The following WDR62 variants were observed in gnomAD, a reference collection of about 807,000 sequenced individuals.
The protein encoded by WDR62 is WD repeat domain 62, also known as WD repeat-containing protein 62.
Under a neutral mutation model 160.6 loss-of-function variants are expected in WDR62, and 112 were observed. That is an observed-to-expected ratio of 0.70 (90% CI 0.60 to 0.82). The LOEUF (loss-of-function observed/expected upper bound fraction) is 0.82. WDR62 is among the 40% of genes least tolerant of loss of function. The pLI is 0.00. For synonymous variants in WDR62, 792 were observed against 815.1 expected (o/e 0.97, Z 0.48); for missense variants, 1,819 against 1,983.8 (o/e 0.92, Z 1.58).
the WDR62 span, among the ~76,000 whole-genome samples, chr19:36,110,555 G>A: frequency 6.6e-6 from 1 of 152,166 alleles, no homozygotes; most frequent in South Asian, 2.1e-4. Flanking sequence ...GCAGTAACTA[G>A]GGGCTAGATT....
chr19:36,088,250 G>A (rs531104766), intron 13 of WDR62, among the ~76,000 whole-genome samples: 3 of 152,196 alleles, frequency 2.0e-5, no homozygotes, highest in African/African-American at 4.8e-5. Flanking sequence ...TGAGACGGCC[G>A]GGGGCATCTC....
At position 36,067,959 on chromosome 19, in the gene WDR62, C is replaced by T. The variant is rs549410799; in HGVS notation, c.831C>T (p.Leu277=). 1.7e-4 allele frequency: 276 copies of T among 1,614,186 alleles called. 2 individuals carry two copies. The South Asian group carries it at 2.7e-3, about 16-fold the overall frequency. The change falls in exon 7 of 32, where the codon CTC becomes CTT. Residue 277 remains leucine (L), a synonymous_variant. Transcript: ENST00000401500. The part of the protein sequence containing the change: ...GSTFCVSYSG[L]LCQFNEKRVL... ...CCTTCTGTGTGTCCTACTCGGGCCTCCTCTGCCAGTTCAATGAGAAGAGGG... is the reference window on the plus strand; with the variant it reads ...CCTTCTGTGTGTCCTACTCGGGCCTTCTCTGCCAGTTCAATGAGAAGAGGG...
In WDR62 at chr19:36,073,546, C is replaced by CCA; in HGVS notation, c.1233+15_1233+16insCA. The CCA allele has an allele frequency of 6.6e-7, 1 of 1,521,344 alleles. No homozygotes were observed. Among genetic ancestry groups the CCA allele is most frequent in the African/African-American group, 1.4e-5 (1 of 72,846 alleles). 94.2% of individuals were successfully genotyped at this position (1,521,344 alleles called of 1,614,324 possible). ...GGAACGTGGAGGTGAGCCCCCCCCC[C>CCA]ACCCCCTTGCCCCTGCTTGGCCTCT... is the stretch of plus-strand genomic sequence containing the variant. On this transcript the variant is annotated intron_variant, in intron 9 of 31. Transcript: ENST00000401500.
At chr19:36,109,166 T>C (rs1973761165), downstream of WDR62, among the ~76,000 whole-genome samples, 1 of 152,098 alleles carries the variant, frequency 6.6e-6, no homozygotes, top group Non-Finnish European at 1.5e-5. Context: ...GAAATACTCC[T>C]CTCACCAGCA....
chr19:36,064,829 C>G (rs1177053680), intron 3 of WDR62, among the ~76,000 whole-genome samples: 1 of 152,164 alleles, frequency 6.6e-6, no homozygotes, highest in East Asian at 1.9e-4. Context: ...CCACCCACCC[C>G]TCTGCCTCCC....
rs771138943 is a variant in WDR62, at chr19:36,099,448, G to C, written c.2570G>C (p.Ser857Thr). 1.2e-6 allele frequency: 2 copies of C among 1,613,832 alleles called. No individual in the cohort carries two copies. The highest frequency in any genetic ancestry group is 2.2e-5 in the South Asian group (2 of 91,088). The change falls in exon 22 of 32, where the codon AGC (serine) becomes ACC (threonine). Residue 857 changes from serine to threonine, a missense_variant. By Grantham distance (58) the Ser-to-Thr change is moderately conservative. Coordinates refer to ENST00000401500, the MANE Select transcript of WDR62 (RefSeq NM_001083961.2). ...GGCTTGGCCTTCCACGCCAAGCGCA[G>C]CTACCAGCCCCACGGCCGCTGGGCA... ...ADGLAFHAKRSYQPHGRWAER... is the reference protein window; with the variant it reads ...ADGLAFHAKRTYQPHGRWAER...
At chr19:36,060,455 C>T in intron 3 of WDR62, 1 of 207,110 alleles carries the variant, frequency 4.8e-6, no homozygotes, top group Non-Finnish European at 1.0e-5. Flanking sequence ...GCAGGGGGCA[C>T]AGGAAGGGCA....
In WDR62 at chr19:36,101,655, G is replaced by C. The variant is rs1973345002; in HGVS notation, c.2972-9G>C. The C allele has an allele frequency of 6.5e-7, 1 of 1,549,050 alleles. No homozygotes were observed. Among genetic ancestry groups the C allele is most frequent in the Non-Finnish European group, 8.7e-7 (1 of 1,145,326 alleles). ...GCTGTGGGCTCCTGACCCCGACTCT[G>C]TCCTTCAGACTCGGGGGAGTCAGAG... On this transcript the variant is annotated splice_polypyrimidine_tract_variant and intron_variant, in intron 24 of 31. Transcript: ENST00000401500.
At position 36,054,897 on chromosome 19, in the gene WDR62, G is replaced by T. The variant is rs1424421650; in HGVS notation, c.-75G>T. On this transcript the variant is annotated 5_prime_UTR_variant, in exon 1 of 32. Transcript: ENST00000401500. ...GGCGCCGGCTTTCCCGCGGCTGTTC[G>T]CTGTTCCAGTGGGTCGTGGCGGTGG... The T allele has an allele frequency of 6.5e-7, 1 of 1,527,658 alleles. No individual in the cohort carries two copies. Among genetic ancestry groups the T allele is most frequent in the Non-Finnish European group, 8.8e-7 (1 of 1,135,066 alleles). The allele number at this position is 1,527,658 out of a possible 1,614,324, so 94.6% of individuals were successfully genotyped here.
chr19:36,070,016 AGAGGGAGAGGGAGACCG>A (rs1971206595), intron 7 of WDR62, among the ~76,000 whole-genome samples: 1 of 151,844 alleles, frequency 6.6e-6, no homozygotes, highest in African/African-American at 2.4e-5. Context: ...GACCGTGGGG[AGAGGGAGAGGGAGACCG>A]TGGGGAGAAG....
intron 9 of WDR62, among the ~76,000 whole-genome samples, chr19:36,080,072 G>A (rs1971802069): frequency 6.6e-6 from 1 of 151,754 alleles, no homozygotes; most frequent in African/African-American, 2.4e-5. Context: ...TTTCTCCTCA[G>A]TTATATCTAA....
At position 36,090,535 on chromosome 19, in the gene WDR62, AC is replaced by A; in HGVS notation, c.2034+19del. The A allele has an allele frequency of 1.9e-6, 3 of 1,613,334 alleles. No homozygotes were observed. Among genetic ancestry groups the A allele is most frequent in the Non-Finnish European group, 2.5e-6 (3 of 1,179,606 alleles). ...CCTTGCTGAAGGTGAGGAGTTGGAG[AC>A]CCCTGTCTGTCTGCTGCCCTGATGG... is the stretch of plus-strand genomic sequence containing the variant. On this transcript the variant is annotated intron_variant, in intron 16 of 31. Transcript: ENST00000401500.
intron 16 of WDR62, 101 bp downstream of exon 16, chr19:36,090,621 C>A: frequency 9.1e-7 from 1 of 1,097,934 alleles, no homozygotes; most frequent in East Asian, 2.4e-5. Flanking sequence ...CTCAGTGCAC[C>A]GCGCTGCCCA....
At chr19:36,059,939 T>C (rs772565892) in intron 2 of WDR62, 29 bp from the exon 3 acceptor site, 1 of 1,613,586 alleles carries the variant, frequency 6.2e-7, no homozygotes, top group African/African-American at 1.3e-5. Flanking sequence ...CTCCCCACAG[T>C]TGAGGCACAT....
intron 3 of WDR62, among the ~76,000 whole-genome samples, chr19:36,063,091 T>C: frequency 6.6e-6 from 1 of 152,012 alleles, no homozygotes; most frequent in South Asian, 2.1e-4. Flanking sequence ...ATTACAGGCA[T>C]ATGCCACCAT....
chr19:36,055,094 C>T lies in WDR62; in HGVS notation c.123C>T (p.Cys41=), dbSNP rs767093173. The T allele has an allele frequency of 5.7e-5, 92 of 1,605,528 alleles. 1 individual carries two copies. The South Asian group carries it at 6.4e-4, about 11-fold the overall frequency. The stretch of plus-strand genomic sequence containing the variant: ...CCCCGCCCCCCGCCCCACCAATCTG[C>T]CTACGGCGGCGGACGCGACTCTCGA... ...QSSPPPAPPI[C]LRRRTRLSTA... The change falls in exon 1 of 32, where the codon TGC becomes TGT. Residue 41 remains cysteine (C), a synonymous_variant. Transcript: ENST00000401500.
intron 15 of WDR62, 109 bp from the exon 16 acceptor site, chr19:36,090,336 C>A: frequency 2.0e-6 from 2 of 995,674 alleles, no homozygotes; most frequent in Non-Finnish European, 3.2e-6. Context: ...CAGATGGGGA[C>A]AAGAGGTAGC....
At chr19:36,078,144 G>GT (rs1311123999) in intron 9 of WDR62, among the ~76,000 whole-genome samples, 3 of 149,154 alleles carry the variant, frequency 2.0e-5, no homozygotes, top group African/African-American at 7.5e-5. Flanking sequence ...GTAAGTACAA[G>GT]TTTTTTTGTT....
chr19:36,068,363 A>T (rs933194109), intron 7 of WDR62, among the ~76,000 whole-genome samples: 1 of 151,690 alleles, frequency 6.6e-6, no homozygotes, highest in Non-Finnish European at 1.5e-5. Flanking sequence ...TTTTTTAATT[A>T]ATTTATTTTT....
Sources: allele counts gnomAD v4.1 joint callset (sites outside exome capture counted in the v4.1 genomes callset), GRCh38; gene constraint gnomAD v4.1.1; transcripts MANE v1.5; gene names NCBI Gene and HGNC (gene_info 2026-07-23, HGNC 2026-07-21).